TMEM222: variants seen among roughly 807,000 people sequenced by gnomAD.
TMEM222 encodes chromosome 1 open reading frame 160.
A neutral mutation model predicts 25.1 loss-of-function variants in TMEM222; 18 were observed. That is an observed-to-expected ratio of 0.72 (90% CI 0.50 to 1.06). The LOEUF is 1.06. TMEM222 is among the 50% of genes least tolerant of loss of function. The probability of loss-of-function intolerance (pLI) is 0.00; values close to 1 mark genes in which losing one functional copy is unlikely to be tolerated. For synonymous variants in TMEM222, 131 were observed against 117.9 expected (o/e 1.11, Z -0.72); for missense variants, 296 against 293.7 (o/e 1.01, Z -0.06).
intron 1 of TMEM222, among the ~76,000 whole-genome samples, chr1:27,323,913 T>C (rs558989068): frequency 1.6e-4 from 25 of 152,376 alleles, no homozygotes; most frequent in African/African-American, 3.1e-4. Context: ...AAAGGAGATA[T>C]GGTCTTTAGA....
At chr1:27,333,291 T>TA (rs2014524460) in intron 3 of TMEM222, 1 of 470,324 alleles carries the variant, frequency 2.1e-6, no homozygotes, top group Non-Finnish European at 4.4e-6. Flanking sequence ...CTTAAGCTGT[T>TA]CCCTCAGCCT....
At chr1:27,333,237 T>G (rs2014523096) in intron 3 of TMEM222, 1 of 440,436 alleles carries the variant, frequency 2.3e-6, no homozygotes, top group Non-Finnish European at 4.7e-6. Flanking sequence ...GCTCAGTCAC[T>G]TCAGTTATGG....
chr1:27,326,267 A>G lies in TMEM222; in HGVS notation c.194+3876A>G, dbSNP rs552461110. Among the ~76,000 whole-genome samples the G allele has an allele frequency of 5.9e-5, 9 of 152,358 alleles. No individual in the cohort carries two copies. The South Asian group carries it at 1.7e-3, about 28-fold the overall frequency. ...CTGTCAGGGTTGGAAAGGCCAAGCC[A>G]TAGGACCCAGTTTCCTTTCTTAGCT... On this transcript the variant is annotated intron_variant, in intron 1 of 5. Coordinates refer to ENST00000374076, the MANE Select transcript of TMEM222 (RefSeq NM_032125.3).
intron 5 of TMEM222, chr1:27,335,090 C>G: frequency 2.0e-6 from 1 of 494,920 alleles, no homozygotes; most frequent in Admixed American, 3.3e-5. Context: ...TAGATGGAGC[C>G]AGTGAGGCCT....
intron 4 of TMEM222, 41 bp downstream of exon 4, chr1:27,334,095 A>G: frequency 6.2e-7 from 1 of 1,613,944 alleles, no homozygotes; most frequent in Non-Finnish European, 8.5e-7. Context: ...CCAGGTGGGG[A>G]CCAGGGGGGA....
chr1:27,333,988 T>C lies in TMEM222; in HGVS notation c.342T>C (p.Tyr114=). 1 of 1,614,146 alleles carries C rather than the reference T, an allele frequency of 6.2e-7. No individual in the cohort carries two copies. The highest frequency in any genetic ancestry group is 8.5e-7 in the Non-Finnish European group (1 of 1,180,022). Residue 114 remains tyrosine, a synonymous_variant, in exon 4 of 6, where the codon TAT becomes TAC. Transcript: ENST00000374076. ...KYWKLDPAQV[Y]ASGPNAWDTA... is the part of the protein sequence containing the mutation. ...GGAAGTTGGACCCTGCTCAGGTCTA[T>C]GCTAGCGGGCCCAACGCATGGGACA...
At position 27,334,622 on chromosome 1, in the gene TMEM222, C is replaced by T. The variant is rs140331027; in HGVS notation, c.539+341C>T. 6.4e-4 allele frequency: 923 copies of T among 1,440,184 alleles called. 6 individuals carry two copies. The African/African-American group carries it at 6.8e-3, about 11-fold the overall frequency. 89.2% of individuals were successfully genotyped at this position (1,440,184 alleles called of 1,614,324 possible). On this transcript the variant is annotated intron_variant, in intron 5 of 5. Transcript: ENST00000374076. ...GAGGCTTCTACGGATCCCTGTGCTCCGGTAAAGTGAGCAGATAGATCCTCT... is the reference window on the plus strand; with the variant it reads ...GAGGCTTCTACGGATCCCTGTGCTCTGGTAAAGTGAGCAGATAGATCCTCT...
chr1:27,325,369 C>T (rs1374610486), intron 1 of TMEM222: 1 of 930,076 alleles, frequency 1.1e-6, no homozygotes, highest in Non-Finnish European at 1.8e-6. Flanking sequence ...ACCACATCCT[C>T]CTCCCTGGAG....
chr1:27,333,498 G>A (rs35397588), intron 3 of TMEM222: 175,145 of 459,488 alleles, frequency 0.38, 36,073 homozygotes, highest in Non-Finnish European at 0.45. Flanking sequence ...TCCTGGGTGC[G>A]GGTGCTGGTA....
Position 27,335,561 on chromosome 1 carries a change from G to A in TMEM222, c.*95G>A, listed in dbSNP as rs1177699271. 1.6e-6 allele frequency: 2 copies of A among 1,270,654 alleles called. No homozygotes were observed. Among genetic ancestry groups the A allele is most frequent in the Non-Finnish European group, 2.3e-6 (2 of 887,782 alleles). 78.7% of individuals were successfully genotyped at this position (1,270,654 alleles called of 1,614,324 possible). A position where few individuals can be genotyped will look rare whatever the true frequency, so the allele number is the denominator to read the frequency against. Reference sequence around the variant, plus strand: ...TTTTTTCTCCTCACCCCAAAAGGCAGGGTTGGGCCTGCTGTTGTGGACCGG... The same window carrying A: ...TTTTTTCTCCTCACCCCAAAAGGCAAGGTTGGGCCTGCTGTTGTGGACCGG... On this transcript the variant is annotated 3_prime_UTR_variant, in exon 6 of 6. Transcript: ENST00000374076.
chr1:27,325,713 C>T, intron 1 of TMEM222: 1 of 871,132 alleles, frequency 1.1e-6, no homozygotes, highest in East Asian at 2.4e-5. Flanking sequence ...CCTGGCCTCA[C>T]TGTCCACCTT....
chr1:27,334,157 C>T lies in TMEM222; in HGVS notation c.415C>T (p.Leu139Phe), dbSNP rs1439881691. 6 of 1,614,184 alleles carry T rather than the reference C, an allele frequency of 3.7e-6. No individual in the cohort carries two copies. Among genetic ancestry groups the T allele is most frequent in the Non-Finnish European group, 5.1e-6 (6 of 1,180,036 alleles). ...GCCCTTCTGGTGCCTCCAGCACAATCTCTGCTGTGACAACTGCCACTCGCA... is the reference window on the plus strand; with the variant it reads ...GCCCTTCTGGTGCCTCCAGCACAATTTCTGCTGTGACAACTGCCACTCGCA... ...SEEYKHRMHNLCCDNCHSHVA... is the reference protein window; with the variant it reads ...SEEYKHRMHNFCCDNCHSHVA... Residue 139 changes from leucine (L) to phenylalanine (F), a missense_variant, in exon 5 of 6, where the codon CTC (leucine) becomes TTC (phenylalanine). Coordinates refer to ENST00000374076, the MANE Select transcript of TMEM222 (RefSeq NM_032125.3).
intron 2 of TMEM222, among the ~76,000 whole-genome samples, chr1:27,331,568 TC>T (rs1402333181): frequency 6.6e-6 from 1 of 152,238 alleles, no homozygotes; most frequent in Admixed American, 6.5e-5. Context: ...GTCTAGGACT[TC>T]ACTGCAGTGT....
chr1:27,335,153 C>A, intron 5 of TMEM222: 1 of 580,346 alleles, frequency 1.7e-6, no homozygotes, highest in Non-Finnish European at 3.1e-6. Context: ...CAGTAAATCA[C>A]CAGGAGCGCG....
At chr1:27,334,089 G>C in intron 4 of TMEM222, 35 bp downstream of exon 4, 1 of 1,614,022 alleles carries the variant, frequency 6.2e-7, no homozygotes, top group Non-Finnish European at 8.5e-7. Flanking sequence ...CACTCCCCAG[G>C]TGGGGACCAG....
At chr1:27,334,586 G>T (rs556442464) in intron 5 of TMEM222, 2 of 1,442,744 alleles carry the variant, frequency 1.4e-6, no homozygotes, top group African/African-American at 2.9e-5. Context: ...CAATGATTCC[G>T]GCTCCTCAGG....
At chr1:27,333,293 C>T (rs1194515409) in intron 3 of TMEM222, 1 of 470,428 alleles carries the variant, frequency 2.1e-6, no homozygotes, top group African/African-American at 2.0e-5. Flanking sequence ...TAAGCTGTTC[C>T]CTCAGCCTGG....
intron 5 of TMEM222, chr1:27,334,687 AT>A (rs1557527274): frequency 1.4e-6 from 2 of 1,388,184 alleles, no homozygotes; most frequent in Non-Finnish European, 1.9e-6. Context: ...AGGCAGAGAG[AT>A]TGAGTGAGTC....
chr1:27,322,348 C>G lies in TMEM222; in HGVS notation c.151C>G (p.Arg51Gly). 3 of 1,525,188 alleles carry G rather than the reference C, an allele frequency of 2.0e-6. No homozygotes were observed. The highest frequency in any genetic ancestry group is 1.8e-6 in the Non-Finnish European group (2 of 1,130,376). The allele number at this position is 1,525,188 out of a possible 1,614,324, so 94.5% of individuals were successfully genotyped here. A position where few individuals can be genotyped will look rare whatever the true frequency, so the allele number is the denominator to read the frequency against. The change falls in exon 1 of 6, where the codon CGC (arginine) becomes GGC (glycine). Residue 51 changes from arginine (R) to glycine (G), a missense_variant. Transcript: ENST00000374076. ...GGVAMDVERS[R>G]FPYCVVWTPI... is the part of the protein sequence containing the mutation. ...CGTCGCCATGGATGTGGAACGGAGTCGCTTCCCCTACTGCGTGGTGTGGAC... is the reference window on the plus strand; with the variant it reads ...CGTCGCCATGGATGTGGAACGGAGTGGCTTCCCCTACTGCGTGGTGTGGAC...
Sources: allele counts gnomAD v4.1 joint callset (sites outside exome capture counted in the v4.1 genomes callset), GRCh38; gene constraint gnomAD v4.1.1; transcripts MANE v1.5; gene names NCBI Gene and HGNC (gene_info 2026-07-23, HGNC 2026-07-21).